The following TAFA4 variants were observed in gnomAD, a reference collection of about 807,000 sequenced individuals.
TAFA4 encodes TAFA chemokine like family member 4, also known as chemokine-like protein TAFA-4.
A neutral mutation model predicts 21.1 loss-of-function variants in TAFA4; 20 were observed. The observed-to-expected ratio is 0.95, with a 90% CI of 0.67 to 1.38. The LOEUF (loss-of-function observed/expected upper bound fraction) is 1.38. Among genes scored for constraint, TAFA4 ranks in the 40% most tolerant of loss-of-function variants. The pLI, the probability that TAFA4 is intolerant of heterozygous loss-of-function variation, is 0.00. For synonymous variants in TAFA4, 71 were observed against 67.4 expected (o/e 1.05, Z -0.26); for missense variants, 211 against 180.9 (o/e 1.17, Z -0.95).
At chr3:68,807,255 CAA>C (rs756704323) in intron 3 of TAFA4, among the ~76,000 whole-genome samples, 6 of 152,128 alleles carry the variant, frequency 3.9e-5, no homozygotes, top group Non-Finnish European at 8.8e-5. Flanking sequence ...AGAATTTGAA[CAA>C]AGATTATCAA....
chr3:68,887,119 C>T (rs752474686), intron 1 of TAFA4, among the ~76,000 whole-genome samples: 2 of 152,230 alleles, frequency 1.3e-5, no homozygotes, highest in Admixed American at 6.5e-5. Context: ...AAGTTATCTA[C>T]TTCCAAAACA....
chr3:68,824,406 C>G lies in TAFA4; in HGVS notation c.130+56324G>C, dbSNP rs899705626. ...CATGTTGCTTGGCTGTGGCCCTGTT[C>G]CATCGTAAAAGTACATCACTCCGAC... On this transcript the variant is annotated intron_variant, in intron 3 of 5. Transcript: ENST00000295569. Among the ~76,000 whole-genome samples, 6 of 152,272 alleles carry G rather than the reference C, an allele frequency of 3.9e-5. No homozygotes were observed. In the South Asian group the frequency reaches 8.3e-4, roughly 21 times the overall value.
intron 1 of TAFA4, among the ~76,000 whole-genome samples, chr3:68,911,843 CTTA>C (rs1484306861): frequency 6.6e-6 from 1 of 152,182 alleles, no homozygotes; most frequent in Non-Finnish European, 1.5e-5. Flanking sequence ...GCTCAAAGCT[CTTA>C]TTAGTGGTAA....
chr3:68,839,271 AAAG>A (rs67087515), intron 3 of TAFA4, among the ~76,000 whole-genome samples: 46,875 of 151,940 alleles, frequency 0.31, 7,621 homozygotes, highest in Non-Finnish European at 0.37. Flanking sequence ...GAGGGTAGCC[AAAG>A]AAGGTGACAT....
At chr3:68,845,827 A>C (rs1024485991) in intron 3 of TAFA4, among the ~76,000 whole-genome samples, 3 of 152,126 alleles carry the variant, frequency 2.0e-5, no homozygotes, top group African/African-American at 7.2e-5. Flanking sequence ...TCTTTTAAGG[A>C]TGTTGAATAT....
At chr3:68,806,947 T>C (rs1703715102) in intron 3 of TAFA4, among the ~76,000 whole-genome samples, 1 of 152,168 alleles carries the variant, frequency 6.6e-6, no homozygotes, top group Admixed American at 6.5e-5. Flanking sequence ...ATTTACTGAG[T>C]GCTAACATGT....
chr3:68,750,331 T>C (rs1466828479), intron 4 of TAFA4, among the ~76,000 whole-genome samples: 1 of 152,182 alleles, frequency 6.6e-6, no homozygotes, highest in Non-Finnish European at 1.5e-5. Flanking sequence ...GCTAAATAAT[T>C]ATGGCCTATC....
rs973869204 is a variant in TAFA4, at chr3:68,930,258, T to C, written c.-123+1982A>G. On this transcript the variant is annotated intron_variant, in intron 1 of 5. Coordinates refer to ENST00000295569, the MANE Select transcript of TAFA4 (RefSeq NM_182522.5). ...TATTCTAGTACTAGAAATATAAAAA[T>C]GGTTGCCTTCAATGAAAAATATCCA... Among the ~76,000 whole-genome samples, 3 of 152,194 alleles carry C rather than the reference T, an allele frequency of 2.0e-5. No homozygotes were observed. The East Asian group carries it at 5.8e-4, about 29-fold the overall frequency.
intron 3 of TAFA4, among the ~76,000 whole-genome samples, chr3:68,787,389 T>C (rs962743088): frequency 6.6e-6 from 1 of 152,172 alleles, no homozygotes; most frequent in Non-Finnish European, 1.5e-5. Context: ...CCAGAGGTTT[T>C]CATCTCATAA....
chr3:68,791,779 G>A (rs1198575440), intron 3 of TAFA4, among the ~76,000 whole-genome samples: 1 of 152,210 alleles, frequency 6.6e-6, no homozygotes, highest in Non-Finnish European at 1.5e-5. Context: ...GGACACAGAA[G>A]CAAAAGGGAG....
intron 1 of TAFA4, among the ~76,000 whole-genome samples, chr3:68,903,795 G>A (rs1402714491): frequency 6.6e-6 from 1 of 152,100 alleles, no homozygotes. Context: ...GGATCCACTG[G>A]CTTCATCAAA....
chr3:68,806,505 A>G (rs1703702230), intron 3 of TAFA4, among the ~76,000 whole-genome samples: 1 of 152,196 alleles, frequency 6.6e-6, no homozygotes, highest in African/African-American at 2.4e-5. Context: ...ACTCTTTTAC[A>G]TACAAGAGTT....
chr3:68,804,818 A>C (rs970714706), intron 3 of TAFA4, among the ~76,000 whole-genome samples: 9 of 152,222 alleles, frequency 5.9e-5, no homozygotes, highest in Non-Finnish European at 1.3e-4. Context: ...TGGATTAAAG[A>C]CTTACATGTT....
chr3:68,858,658 T>A (rs1018139049), intron 3 of TAFA4, among the ~76,000 whole-genome samples: 2 of 150,736 alleles, frequency 1.3e-5, no homozygotes, highest in African/African-American at 4.9e-5. Flanking sequence ...ATTCTACACA[T>A]AAAAATGTAG....
At chr3:68,909,778 G>A (rs967758602) in intron 1 of TAFA4, among the ~76,000 whole-genome samples, 2 of 152,312 alleles carry the variant, frequency 1.3e-5, no homozygotes, top group African/African-American at 2.4e-5. Flanking sequence ...TGCACTTAGT[G>A]ACTTCAAGTA....
At chr3:68,915,932 T>C (rs2090000471) in intron 1 of TAFA4, 1 of 152,246 alleles carries the variant, frequency 6.6e-6, no homozygotes, top group Non-Finnish European at 1.5e-5. Context: ...GACCAAGATA[T>C]GCTGAATTTA....
chr3:68,800,661 A>C (rs1247218232), intron 3 of TAFA4, among the ~76,000 whole-genome samples: 1 of 152,204 alleles, frequency 6.6e-6, no homozygotes, highest in Admixed American at 6.5e-5. Flanking sequence ...TCTGCTCCAC[A>C]CTTGCTTCTC....
intron 3 of TAFA4, among the ~76,000 whole-genome samples, chr3:68,781,846 C>G (rs547931881): frequency 7.6e-4 from 116 of 152,090 alleles, no homozygotes; most frequent in South Asian, 1.0e-3. Flanking sequence ...AAAATAGATG[C>G]AAAAATCCTT....
In TAFA4 at chr3:68,932,380, G is replaced by A. The variant is rs908852748; in HGVS notation, c.-263C>T. On this transcript the variant is annotated 5_prime_UTR_variant, in exon 1 of 6. Coordinates refer to ENST00000295569, the MANE Select transcript of TAFA4 (RefSeq NM_182522.5). ...CCCATCACCTCTGCAGCCTCGCCAG[G>A]AGAAGAAAAGTTCCCACGTCTCTAC... 6.6e-6 allele frequency: 1 copy of A among 152,348 alleles called. No individual in the cohort carries two copies. Among genetic ancestry groups the A allele is most frequent in the Non-Finnish European group, 1.5e-5 (1 of 68,144 alleles). The allele number at this position is 152,348 out of a possible 1,614,324, so 9.4% of individuals were successfully genotyped here.
Sources: allele counts gnomAD v4.1 joint callset (sites outside exome capture counted in the v4.1 genomes callset), GRCh38; gene constraint gnomAD v4.1.1; transcripts MANE v1.5; gene names NCBI Gene and HGNC (gene_info 2026-07-23, HGNC 2026-07-21).